FABP12: variants seen among roughly 807,000 people sequenced by gnomAD.
FABP12 encodes fatty acid-binding protein 12.
FABP12 carries 19 observed loss-of-function variants against 13.7 expected under a neutral mutation model. The observed-to-expected ratio is 1.39, with a 90% CI of 0.97 to 2.04. The LOEUF is 2.04. Ranked by LOEUF, FABP12 falls within the 30% of genes most tolerant of loss-of-function variation. FABP12 has a pLI of 0.00. For synonymous variants in FABP12, 61 were observed against 57.0 expected, an observed-to-expected ratio of 1.07 and a Z score of -0.32; for missense variants, 182 against 164.2, an observed-to-expected ratio of 1.11 and a Z score of -0.59.
chr8:81,575,870 T>C (rs539598924), intron 1 of FABP12, among the ~76,000 whole-genome samples: 20 of 152,308 alleles, frequency 1.3e-4, no homozygotes. Flanking sequence ...CTAGGCTGCA[T>C]GCTCCTTATG....
intron 1 of FABP12, among the ~76,000 whole-genome samples, chr8:81,543,954 T>A (rs1253711810): frequency 6.6e-6 from 1 of 151,866 alleles, no homozygotes; most frequent in African/African-American, 2.4e-5. Context: ...AACCTACAGG[T>A]TAGTACATTT....
intron 1 of FABP12, among the ~76,000 whole-genome samples, chr8:81,554,411 A>T (rs1231666472): frequency 6.6e-6 from 1 of 152,240 alleles, no homozygotes; most frequent in Admixed American, 6.5e-5. Flanking sequence ...TCCTAAGGAT[A>T]CACAGTCCCT....
chr8:81,560,315 C>T (rs1426778627), intron 1 of FABP12, among the ~76,000 whole-genome samples: 1 of 152,192 alleles, frequency 6.6e-6, no homozygotes, highest in Non-Finnish European at 1.5e-5. Flanking sequence ...TTTGGAGAGA[C>T]TCACCTTACC....
intron 1 of FABP12, among the ~76,000 whole-genome samples, chr8:81,572,901 T>G (rs970230982): frequency 1.4e-5 from 2 of 143,808 alleles, no homozygotes; most frequent in African/African-American, 4.9e-5. Context: ...CTCTGTGGGT[T>G]GTTTGTTTGC....
At chr8:81,542,610 A>T (rs1043808690) in intron 1 of FABP12, among the ~76,000 whole-genome samples, 2 of 152,320 alleles carry the variant, frequency 1.3e-5, no homozygotes, top group Admixed American at 6.5e-5. Flanking sequence ...TCTACAGGTG[A>T]GGGATAGGTC....
chr8:81,556,390 T>A (rs529051636), intron 1 of FABP12, among the ~76,000 whole-genome samples: 1 of 152,210 alleles, frequency 6.6e-6, no homozygotes, highest in Non-Finnish European at 1.5e-5. Context: ...CATACTTGTC[T>A]GCCTACAGGG....
intron 1 of FABP12, among the ~76,000 whole-genome samples, chr8:81,567,344 A>G (rs923901067): frequency 1.3e-5 from 2 of 152,246 alleles, no homozygotes; most frequent in African/African-American, 4.8e-5. Context: ...AAGACTCAGA[A>G]TAGCCAAAGC....
chr8:81,527,961 G>GAATAAT (rs554276374), intron 3 of FABP12, among the ~76,000 whole-genome samples: 1 of 151,394 alleles, frequency 6.6e-6, no homozygotes, highest in African/African-American at 2.4e-5. Context: ...TCTCAATAAA[G>GAATAAT]AATAATAATA....
At chr8:81,557,211 T>C (rs1478199461) in intron 1 of FABP12, among the ~76,000 whole-genome samples, 1 of 152,170 alleles carries the variant, frequency 6.6e-6, no homozygotes, top group Non-Finnish European at 1.5e-5. Context: ...ATTTCATTTC[T>C]AGAAGCTACT....
chr8:81,554,917 G>A (rs10441576), intron 1 of FABP12, among the ~76,000 whole-genome samples: 15,751 of 152,148 alleles, frequency 0.1, 1,070 homozygotes, highest in East Asian at 0.26. Flanking sequence ...GTGGGCCACA[G>A]GTTGAACAAG....
At chr8:81,587,038 G>C (rs34615959) in intron 1 of FABP12, among the ~76,000 whole-genome samples, 1 of 152,104 alleles carries the variant, frequency 6.6e-6, no homozygotes, top group Non-Finnish European at 1.5e-5. Context: ...AGCACCATTT[G>C]TTGAACAGGG....
intron 1 of FABP12, among the ~76,000 whole-genome samples, chr8:81,572,716 T>C (rs577391853): frequency 6.6e-6 from 1 of 152,332 alleles, no homozygotes; most frequent in African/African-American, 2.4e-5. Context: ...TGTTGAGCGT[T>C]TTTTCATATG....
At chr8:81,538,461 A>C (rs943435114), upstream of FABP12, among the ~76,000 whole-genome samples, 1 of 152,248 alleles carries the variant, frequency 6.6e-6, no homozygotes, top group Non-Finnish European at 1.5e-5. Context: ...ACTGTATTGG[A>C]TTTAGGCAAA....
chr8:81,580,010 C>G (rs1356771074), intron 1 of FABP12, among the ~76,000 whole-genome samples: 2 of 152,110 alleles, frequency 1.3e-5, no homozygotes, highest in East Asian at 1.9e-4. Context: ...TTGTAAAAAA[C>G]AATGTACACA....
upstream of FABP12, among the ~76,000 whole-genome samples, chr8:81,538,340 T>C (rs1809272902): frequency 6.6e-6 from 1 of 152,206 alleles, no homozygotes; most frequent in African/African-American, 2.4e-5. Flanking sequence ...TGGGTTGAAC[T>C]GTGTCCACCA....
intron 1 of FABP12, among the ~76,000 whole-genome samples, chr8:81,586,382 T>C (rs1186540420): frequency 3.9e-5 from 6 of 152,232 alleles, no homozygotes; most frequent in Non-Finnish European, 2.9e-5. Context: ...CTGAGTCAAA[T>C]GGTACCTCTA....
chr8:81,544,382 TC>T (rs1263027148), intron 1 of FABP12, among the ~76,000 whole-genome samples: 1 of 152,224 alleles, frequency 6.6e-6, no homozygotes, highest in Non-Finnish European at 1.5e-5. Context: ...GGTTCCAGGT[TC>T]CCCTGCTTGT....
chr8:81,557,529 G>A (rs535585143), intron 1 of FABP12, among the ~76,000 whole-genome samples: 1 of 152,244 alleles, frequency 6.6e-6, no homozygotes, highest in East Asian at 1.9e-4. Context: ...CTGAACTAAA[G>A]AACTCTTCAG....
Position 81,525,082 on chromosome 8 carries a change from G to GT in FABP12, c.386dup (p.Tyr129Ter), listed in dbSNP as rs765561681. The change falls in exon 5 of 5, where the codon TAC becomes TAAC. Residue 129 changes from tyrosine to a stop codon, truncating the protein, a stop_gained and frameshift_variant. Coordinates refer to ENST00000360464, the Ensembl canonical transcript of FABP12. LOFTEE classifies it low-confidence loss of function (END_TRUNC). Reference sequence around the variant, plus strand: ...AGACTGAGTTTGATGATACTTTCTCGTATGTTCGTGTACAGATAACACTGT... The same window carrying GT: ...AGACTGAGTTTGATGATACTTTCTCGTTATGTTCGTGTACAGATAACACTGT... 1.3e-6 allele frequency: 2 copies of GT among 1,595,528 alleles called. No individual in the cohort carries two copies. Among genetic ancestry groups the GT allele is most frequent in the Non-Finnish European group, 1.7e-6 (2 of 1,169,812 alleles).
Sources: allele counts gnomAD v4.1 joint callset (sites outside exome capture counted in the v4.1 genomes callset), GRCh38; gene constraint gnomAD v4.1.1; transcripts MANE v1.5; gene names NCBI Gene and HGNC (gene_info 2026-07-23, HGNC 2026-07-21).